Variants in MEGF6 observed in about 807,000 individuals in gnomAD.
MEGF6 encodes multiple EGF like domains 6.
Under a neutral mutation model 207.1 loss-of-function variants are expected in MEGF6, and 184 were observed. That is an observed-to-expected ratio of 0.89 (90% CI 0.79 to 1.00). The LOEUF (loss-of-function observed/expected upper bound fraction) is 1.00, where lower values mean the gene tolerates loss of function less well. Among genes scored for constraint, MEGF6 ranks in the 50% least tolerant of loss-of-function variants. MEGF6 has a pLI of 0.00. For missense variants in MEGF6, 2,282 were observed against 2,202.9 expected (o/e 1.04, Z -0.72); for synonymous variants, 1,038 against 910.0 (o/e 1.14, Z -2.53).
At chr1:3,587,306 T>C (rs1377511687) in intron 3 of MEGF6, among the ~76,000 whole-genome samples, 1 of 152,236 alleles carries the variant, frequency 6.6e-6, no homozygotes, top group Non-Finnish European at 1.5e-5. Flanking sequence ...CCCCGAAGGC[T>C]CTGCCACATC....
chr1:3,596,313 GA>G (rs1307320968), intron 2 of MEGF6, among the ~76,000 whole-genome samples: 4 of 151,992 alleles, frequency 2.6e-5, no homozygotes, highest in African/African-American at 4.8e-5. Flanking sequence ...GCCAGCCTGA[GA>G]AGGTGCCCAC....
chr1:3,532,202 C>A (rs1418286483), intron 4 of MEGF6, among the ~76,000 whole-genome samples: 3 of 152,240 alleles, frequency 2.0e-5, no homozygotes, highest in Non-Finnish European at 4.4e-5. Flanking sequence ...GGGAGGCAGT[C>A]CTCCCAGGGT....
intron 7 of MEGF6, among the ~76,000 whole-genome samples, chr1:3,512,710 T>C (rs1229308631): frequency 6.6e-6 from 1 of 152,230 alleles, no homozygotes; most frequent in Non-Finnish European, 1.5e-5. Flanking sequence ...CCGCCATGAT[T>C]GTGAGGCCGC....
At position 3,611,483 on chromosome 1, in the gene MEGF6, A is replaced by G. The variant is rs1022263359; in HGVS notation, c.-215T>C. 1 of 550,886 alleles carries G rather than the reference A, an allele frequency of 1.8e-6. No homozygotes were observed. The highest frequency in any genetic ancestry group is 2.8e-6 in the Non-Finnish European group (1 of 354,224). The allele number at this position is 550,886 out of a possible 1,614,324, so 34.1% of individuals were successfully genotyped here. A position where few individuals can be genotyped will look rare whatever the true frequency, so the allele number is the denominator to read the frequency against. The stretch of plus-strand genomic sequence containing the variant: ...TGATCGCCGGGTCCACCCTGCAGGA[A>G]CTCGCCCCGGCGCGTTGAGCACAGT... On this transcript the variant is annotated 5_prime_UTR_variant, in exon 1 of 37. Coordinates refer to ENST00000356575, the MANE Select transcript of MEGF6 (RefSeq NM_001409.4).
chr1:3,534,181 C>A (rs1363084700), intron 4 of MEGF6, among the ~76,000 whole-genome samples: 1 of 152,154 alleles, frequency 6.6e-6, no homozygotes, highest in Non-Finnish European at 1.5e-5. Flanking sequence ...AGTGGACCTG[C>A]GTGCTAGCGT....
chr1:3,498,398 C>T lies in MEGF6; in HGVS notation c.3325G>A (p.Gly1109Ser), dbSNP rs763683700. 11 of 1,601,020 alleles carry T rather than the reference C, an allele frequency of 6.9e-6. No homozygotes were observed. The highest frequency in any genetic ancestry group is 1.7e-4 in the Middle Eastern group (1 of 5,928). ...PHTGRCLCPA[G>S]WTGDKCQSPC... Reference sequence around the variant, plus strand: ...CTCTGACACTTGTCCCCAGTCCAGCCGGCTGGGCAGAGGCAGCGGCCCGTG... The same window carrying T: ...CTCTGACACTTGTCCCCAGTCCAGCTGGCTGGGCAGAGGCAGCGGCCCGTG... The change falls in exon 26 of 37, where the codon GGC becomes AGC. Residue 1109 changes from glycine (G) to serine (S), a missense_variant. Transcript: ENST00000356575.
intron 14 of MEGF6, among the ~76,000 whole-genome samples, chr1:3,507,290 G>A (rs183509685): frequency 6.6e-6 from 1 of 152,338 alleles, no homozygotes; most frequent in South Asian, 2.1e-4. Flanking sequence ...GAAGTCTGAA[G>A]ACTTAAAGAT....
At chr1:3,550,556 GA>G (rs1255072604) in intron 4 of MEGF6, among the ~76,000 whole-genome samples, 1 of 152,248 alleles carries the variant, frequency 6.6e-6, no homozygotes, top group East Asian at 1.9e-4. Context: ...AGAAAAAAGA[GA>G]AAAACGTCAT....
chr1:3,561,663 T>C (rs1404571433), intron 4 of MEGF6, among the ~76,000 whole-genome samples: 3 of 152,162 alleles, frequency 2.0e-5, no homozygotes, highest in Non-Finnish European at 4.4e-5. Context: ...GCCCGCATCC[T>C]GGGTGTGCCC....
At chr1:3,534,687 A>G (rs1302345160) in intron 4 of MEGF6, among the ~76,000 whole-genome samples, 1 of 152,188 alleles carries the variant, frequency 6.6e-6, no homozygotes, top group Non-Finnish European at 1.5e-5. Flanking sequence ...CAGTGTCCAG[A>G]GCTGATTCCC....
At chr1:3,603,630 C>G (rs1305654453) in intron 1 of MEGF6, among the ~76,000 whole-genome samples, 1 of 152,130 alleles carries the variant, frequency 6.6e-6, no homozygotes, top group Non-Finnish European at 1.5e-5. Context: ...CCCACCAGAG[C>G]CCCTCCCACC....
chr1:3,576,859 C>G (rs531576391), intron 4 of MEGF6, among the ~76,000 whole-genome samples: 2 of 149,086 alleles, frequency 1.3e-5, no homozygotes, highest in Non-Finnish European at 3.0e-5. Flanking sequence ...CATGCCCAGC[C>G]CTGCACACTC....
chr1:3,492,330 G>C (rs1239741461), intron 35 of MEGF6, among the ~76,000 whole-genome samples: 4 of 152,152 alleles, frequency 2.6e-5, no homozygotes, highest in East Asian at 3.9e-4. Flanking sequence ...ACCCTCTTCA[G>C]GCCCCCGGTG....
intron 12 of MEGF6, 132 bp from the exon 13 acceptor site, chr1:3,508,821 G>A (rs773047294): frequency 7.0e-5 from 85 of 1,220,072 alleles, no homozygotes; most frequent in Non-Finnish European, 7.8e-5. Flanking sequence ...CCCCCAAAGG[G>A]TGACATGGGG....
intron 4 of MEGF6, among the ~76,000 whole-genome samples, chr1:3,526,600 T>C (rs772187660): frequency 2.0e-5 from 3 of 152,154 alleles, no homozygotes; most frequent in African/African-American, 4.8e-5. Context: ...GGTTTCGCCA[T>C]GTTGGCCAGG....
In MEGF6 at chr1:3,560,896, C is replaced by G. The variant is rs1643181508; in HGVS notation, c.481+18929G>C. The G allele has an allele frequency of 2.4e-6, 1 of 422,306 alleles. No individual in the cohort carries two copies. The highest frequency in any genetic ancestry group is 2.1e-5 in the African/African-American group (1 of 47,014). The allele number at this position is 422,306 out of a possible 1,614,324, so 26.2% of individuals were successfully genotyped here. A position where few individuals can be genotyped will look rare whatever the true frequency, so the allele number is the denominator to read the frequency against. On this transcript the variant is annotated intron_variant, in intron 4 of 36. Transcript: ENST00000356575. This position sits in a 1 kb window ranked among gnomAD's most constrained non-coding sequence, Gnocchi z 4.0. ...CTCTACGCGAAGGGGGTGCTGGGCT[C>G]TACCCCCAGGCCTCTACTACCCTCT... is the stretch of plus-strand genomic sequence containing the variant.
chr1:3,497,921 G>A (rs1297456183), intron 26 of MEGF6, among the ~76,000 whole-genome samples: 4 of 152,288 alleles, frequency 2.6e-5, no homozygotes, highest in Admixed American at 6.5e-5. Context: ...AGGCAGTGTT[G>A]CCCTTGCATG....
At chr1:3,613,180 G>A (rs1393025229), upstream of MEGF6, among the ~76,000 whole-genome samples, 2 of 152,180 alleles carry the variant, frequency 1.3e-5, no homozygotes, top group Non-Finnish European at 2.9e-5. Context: ...GTCCTACGGG[G>A]TTCTCAATTC....
At chr1:3,515,739 A>G (rs1257015352) in intron 5 of MEGF6, among the ~76,000 whole-genome samples, 1 of 152,116 alleles carries the variant, frequency 6.6e-6, no homozygotes, top group African/African-American at 2.4e-5. Flanking sequence ...TCTGCTGCCT[A>G]CAGGATCCTC....
Sources: gnomAD v4.1 joint callset for allele counts (sites outside exome capture counted in the v4.1 genomes callset) on GRCh38, gnomAD v4.1.1 for gene constraint, Gnocchi (gnomAD v3.1) non-coding constraint, MANE v1.5 for transcripts, NCBI Gene and HGNC (gene_info 2026-07-23, HGNC 2026-07-21) for gene names.